PLCH1: variants seen among roughly 807,000 people sequenced by gnomAD.
PLCH1 encodes the protein phospholipase C eta 1, also known as 1-phosphatidylinositol 4,5-bisphosphate phosphodiesterase eta-1.
PLCH1 carries 60 observed loss-of-function variants against 126.7 expected under a neutral mutation model. The observed-to-expected ratio is 0.47, with a 90% CI of 0.38 to 0.59. The LOEUF (loss-of-function observed/expected upper bound fraction) is 0.59, where lower values mean the gene tolerates loss of function less well. PLCH1 is among the 20% of genes least tolerant of loss of function. The probability of loss-of-function intolerance (pLI) is 0.00; values close to 1 mark genes in which losing one functional copy is unlikely to be tolerated. For synonymous variants in PLCH1, 719 were observed against 734.9 expected (o/e 0.98, Z 0.35); for missense variants, 1,723 against 2,040.0 (o/e 0.84, Z 2.99).
At chr3:155,621,944 C>A (rs34936050) in intron 2 of PLCH1, among the ~76,000 whole-genome samples, 73,826 of 151,904 alleles carry the variant, frequency 0.49, 20,321 homozygotes, top group African/African-American at 0.74. Flanking sequence ...AAGAACAACC[C>A]AAAGACACAT....
chr3:155,485,512 C>G lies in PLCH1; in HGVS notation c.2818G>C (p.Glu940Gln). Residue 940 changes from glutamate to glutamine, a missense_variant, in exon 22 of 23, where the codon GAG becomes CAG. By Grantham distance (29) the Glu-to-Gln change is conservative. Transcript: ENST00000460012. ...EMVEIKDSVS[E>Q]ATRDQDGVLR... ...ACGCCATCTTGATCTCTTGTGGCCT[C>G]GGACACAGAATCCTTTATCTCCACC... 2 of 1,614,168 alleles carry G rather than the reference C, an allele frequency of 1.2e-6. No homozygotes were observed. Among genetic ancestry groups the G allele is most frequent in the Non-Finnish European group, 1.7e-6 (2 of 1,180,020 alleles).
At chr3:155,687,377 G>A (rs1559935814) in intron 2 of PLCH1, among the ~76,000 whole-genome samples, 1 of 152,014 alleles carries the variant, frequency 6.6e-6, no homozygotes, top group Non-Finnish European at 1.5e-5. Context: ...TACTAAAGAT[G>A]ATAAAATAGG....
chr3:155,615,108 T>C (rs1324151884), intron 2 of PLCH1, among the ~76,000 whole-genome samples: 1 of 151,532 alleles, frequency 6.6e-6, no homozygotes, highest in Non-Finnish European at 1.5e-5. Context: ...AAAAATCCTA[T>C]CAAAAAGTGG....
intron 1 of PLCH1, among the ~76,000 whole-genome samples, chr3:155,729,107 C>T (rs1413310189): frequency 6.6e-6 from 1 of 152,298 alleles, no homozygotes; most frequent in East Asian, 1.9e-4. Context: ...TTCCTTCATA[C>T]ATAAGGATGT....
At chr3:155,517,513 G>A (rs1021457366) in intron 11 of PLCH1, among the ~76,000 whole-genome samples, 1 of 152,092 alleles carries the variant, frequency 6.6e-6, no homozygotes, top group East Asian at 1.9e-4. Flanking sequence ...GTGGCCCTAT[G>A]TATTCCTTGG....
chr3:155,547,527 A>G (rs1169036359), intron 10 of PLCH1, among the ~76,000 whole-genome samples: 3 of 151,044 alleles, frequency 2.0e-5, no homozygotes, highest in African/African-American at 7.3e-5. Flanking sequence ...TGACCCACCA[A>G]TCCCATTACT....
chr3:155,643,552 T>C (rs1739661205), intron 2 of PLCH1, among the ~76,000 whole-genome samples: 1 of 152,230 alleles, frequency 6.6e-6, no homozygotes, highest in Non-Finnish European at 1.5e-5. Context: ...AAATTGTCTG[T>C]GTGTCTGCTG....
At chr3:155,496,783 C>T (rs1717099843) in intron 15 of PLCH1, among the ~76,000 whole-genome samples, 1 of 152,084 alleles carries the variant, frequency 6.6e-6, no homozygotes, top group South Asian at 2.1e-4. Flanking sequence ...TTTCTCAGCT[C>T]CGTGTGGCAA....
chr3:155,661,773 G>GTGAGC (rs1485178390), intron 2 of PLCH1, among the ~76,000 whole-genome samples: 1 of 152,170 alleles, frequency 6.6e-6, no homozygotes. Context: ...GAGCAAAAAT[G>GTGAGC]AATACAGTTA....
chr3:155,737,970 G>C (rs1258890126), intron 1 of PLCH1, among the ~76,000 whole-genome samples: 1 of 152,164 alleles, frequency 6.6e-6, no homozygotes, highest in African/African-American at 2.4e-5. Context: ...ACAGATGAAA[G>C]AGAAACCTTG....
intron 2 of PLCH1, among the ~76,000 whole-genome samples, chr3:155,598,346 C>A (rs894427602): frequency 2.3e-4 from 35 of 152,156 alleles, no homozygotes; most frequent in Middle Eastern, 3.2e-3. Flanking sequence ...TTCTTGACAG[C>A]CACATTAACC....
intron 21 of PLCH1, chr3:155,456,603 G>T (rs1348709717): frequency 6.6e-6 from 1 of 152,300 alleles, no homozygotes; most frequent in African/African-American, 2.4e-5. Flanking sequence ...CCAAAAGGAG[G>T]TCTAATGGGA....
chr3:155,525,907 A>C (rs2108303320), intron 10 of PLCH1, among the ~76,000 whole-genome samples: 1 of 152,308 alleles, frequency 6.6e-6, no homozygotes, highest in South Asian at 2.1e-4. Flanking sequence ...TATGAGGGAA[A>C]TTTACATTCT....
At chr3:155,621,100 C>T (rs1169552557) in intron 2 of PLCH1, among the ~76,000 whole-genome samples, 1 of 152,190 alleles carries the variant, frequency 6.6e-6, no homozygotes, top group Non-Finnish European at 1.5e-5. Context: ...GCAGCCTCCA[C>T]TGGTGATACC....
rs772121217 is a variant in PLCH1, at chr3:155,494,463, T to C, written c.1949A>G (p.Gln650Arg). The C allele has an allele frequency of 6.2e-7, 1 of 1,614,176 alleles. No homozygotes were observed. The highest frequency in any genetic ancestry group is 8.5e-7 in the Non-Finnish European group (1 of 1,179,986). ...AATCATGAACTGCTCTGATTTTTGC[T>C]GAACAACCTGATGTGCTCTTGTTTC... ...FSETRAHQVV[Q>R]QKSEQFMIYN... is the part of the protein sequence containing the mutation. Residue 650 changes from glutamine to arginine, a missense_variant, in exon 16 of 23, where the codon CAG becomes CGG. By Grantham distance (43) the Gln-to-Arg change is conservative. This residue lies in a region of PLCH1 where 776 missense variants were observed against 1,062.9 expected (regional missense o/e 0.73). Coordinates refer to ENST00000460012, the MANE Select transcript of PLCH1 (RefSeq NM_014996.4).
chr3:155,743,041 C>T, intron 1 of PLCH1: 1 of 267,050 alleles, frequency 3.7e-6, no homozygotes, highest in South Asian at 3.2e-5. Flanking sequence ...TAATTCTAAC[C>T]AATGTTAAAT....
chr3:155,551,330 A>T (rs1726081022), intron 9 of PLCH1, among the ~76,000 whole-genome samples: 2 of 151,824 alleles, frequency 1.3e-5, no homozygotes, highest in African/African-American at 4.8e-5. Context: ...CGGTAATCCC[A>T]GATACTCAGG....
intron 2 of PLCH1, among the ~76,000 whole-genome samples, chr3:155,654,072 T>C (rs1170327978): frequency 6.6e-6 from 1 of 150,434 alleles, no homozygotes; most frequent in Non-Finnish European, 1.5e-5. Flanking sequence ...ATGACCTCCA[T>C]GTTGCCAAAT....
chr3:155,649,957 G>A (rs943936314), intron 2 of PLCH1, among the ~76,000 whole-genome samples: 4 of 151,912 alleles, frequency 2.6e-5, no homozygotes, highest in Admixed American at 1.3e-4. Flanking sequence ...CAGCCTGGGC[G>A]ACAGAGTGAG....
Sources: allele counts gnomAD v4.1 joint callset (sites outside exome capture counted in the v4.1 genomes callset), GRCh38; gene constraint gnomAD v4.1.1; regional missense constraint gnomAD v4.1.1; transcripts MANE v1.5; gene names NCBI Gene and HGNC (gene_info 2026-07-23, HGNC 2026-07-21).